PLXNA2: variants seen among roughly 807,000 people sequenced by gnomAD.
The protein encoded by PLXNA2 is plexin A2, also known as plexin-A2.
In PLXNA2, 91 loss-of-function variants were observed where a neutral mutation model predicts 193.5. The observed-to-expected ratio is 0.47, with a 90% CI of 0.40 to 0.56. The LOEUF is 0.56. Among genes scored for constraint, PLXNA2 ranks in the 20% least tolerant of loss-of-function variants. The probability of loss-of-function intolerance (pLI) is 0.00; values close to 1 mark genes in which losing one functional copy is unlikely to be tolerated. For missense variants in PLXNA2, 1,995 were observed against 2,503.2 expected, an observed-to-expected ratio of 0.80 and a Z score of 4.33; for synonymous variants, 997 against 1,027.3, an observed-to-expected ratio of 0.97 and a Z score of 0.56.
rs746462213 is a variant in PLXNA2, at chr1:208,103,247, C to A, written c.1507G>T (p.Val503Phe). The change falls in exon 5 of 32, where the codon GTC becomes TTC. Residue 503 changes from valine (V) to phenylalanine (F), a missense_variant and splice_region_variant. By Grantham distance (50) the Val-to-Phe change is conservative (BLOSUM62 -1). This residue lies in a region of PLXNA2 where 702 missense variants were observed against 812.9 expected (regional missense o/e 0.86). Coordinates refer to ENST00000367033, the MANE Select transcript of PLXNA2 (RefSeq NM_025179.4). ...CATGACTCCACGGGGACCCTGGTGA[C>A]CTGGCAGAGAGAGCAAAGAGGGTAC... ...RYLYVMSERQ[V>F]TRVPVESCEQ... 1 of 1,612,686 alleles carries A rather than the reference C, an allele frequency of 6.2e-7. No homozygotes were observed. The highest frequency in any genetic ancestry group is 1.1e-5 in the South Asian group (1 of 90,830).
chr1:208,078,688 C>T (rs1485060440), intron 12 of PLXNA2, among the ~76,000 whole-genome samples: 1 of 152,190 alleles, frequency 6.6e-6, no homozygotes, highest in Admixed American at 6.5e-5. Flanking sequence ...CATCATCTTC[C>T]TTTGGAATTT....
intron 8 of PLXNA2, among the ~76,000 whole-genome samples, chr1:208,095,791 T>C (rs1666864142): frequency 1.3e-5 from 2 of 152,028 alleles, no homozygotes; most frequent in Non-Finnish European, 1.5e-5. Flanking sequence ...GAGTTGGGGG[T>C]TAGGTGTGTT....
chr1:208,217,346 C>A lies in PLXNA2; in HGVS notation c.577G>T (p.Asp193Tyr). The change falls in exon 2 of 32, where the codon GAT becomes TAT. Residue 193 changes from aspartate to tyrosine, a missense_variant. This residue lies in a region of PLXNA2 where 702 missense variants were observed against 812.9 expected (regional missense o/e 0.86). Transcript: ENST00000367033. This position sits in a 1 kb window ranked among gnomAD's most constrained non-coding sequence, Gnocchi z 4.7. The stretch of plus-strand genomic sequence containing the variant: ...CGGCTGGACAGGGTCGGGAAGTAAT[C>A]CTGCTTCCCATCCACAGCCGTGCCG... ...FIGTAVDGKQ[D>Y]YFPTLSSRKL... 1 of 1,614,134 alleles carries A rather than the reference C, an allele frequency of 6.2e-7. No homozygotes were observed. Among genetic ancestry groups the A allele is most frequent in the South Asian group, 1.1e-5 (1 of 91,080 alleles).
rs574844006 is a variant in PLXNA2 at position 208,237,265 on chromosome 1, A to T, written c.-81+6378T>A. On this transcript the variant is annotated intron_variant, in intron 1 of 31. Transcript: ENST00000367033. ...CCCGAGGAGTGGACAGCCAAGGTGT[A>T]GGGATAAAATCCAAATCTTCCCTCT... Among the ~76,000 whole-genome samples the T allele has an allele frequency of 1.1e-3, 161 of 152,352 alleles. 1 individual carries two copies. Among genetic ancestry groups the T allele is most frequent in the Middle Eastern group, 3.4e-3 (1 of 294 alleles).
intron 8 of PLXNA2, among the ~76,000 whole-genome samples, chr1:208,094,727 G>A (rs1367069777): frequency 3.9e-5 from 6 of 152,168 alleles, no homozygotes; most frequent in Non-Finnish European, 8.8e-5. Context: ...TTCCCACCAG[G>A]CCATTTCTAT....
In PLXNA2 at chr1:208,029,025, C is replaced by A. The variant is rs752862705; in HGVS notation, c.5243G>T (p.Trp1748Leu). 132 of 1,614,034 alleles carry A rather than the reference C, an allele frequency of 8.2e-5. No individual in the cohort carries two copies. The highest frequency in any genetic ancestry group is 1.0e-4 in the Non-Finnish European group (118 of 1,180,038). The change falls in exon 30 of 32, where the codon TGG becomes TTG. Residue 1748 changes from tryptophan to leucine, a missense_variant. Coordinates refer to ENST00000367033, the MANE Select transcript of PLXNA2 (RefSeq NM_025179.4). ...WKSNCLPLRF[W>L]VNVIKNPQFV... is the part of the protein sequence containing the mutation. ...CTGGGGGTTCTTAATCACGTTCACC[C>A]AGAAGCGCAGAGGGAGGCTGTGGGG...
In PLXNA2 at chr1:208,023,331, T is replaced by G. The variant is rs1028786045; in HGVS notation, c.*3912A>C. 1 of 152,686 alleles carries G rather than the reference T, an allele frequency of 6.5e-6. No homozygotes were observed. Among genetic ancestry groups the G allele is most frequent in the African/African-American group, 2.4e-5 (1 of 41,432 alleles). The allele number at this position is 152,686 out of a possible 1,614,324, so 9.5% of individuals were successfully genotyped here. A position where few individuals can be genotyped will look rare whatever the true frequency, so the allele number is the denominator to read the frequency against. ...TCAGTATTTACCAGGAGCAGGTTAA[T>G]GGGGGCAGGCGTGGCAACCGGGATG... On this transcript the variant is annotated 3_prime_UTR_variant, in exon 32 of 32. Transcript: ENST00000367033.
Position 208,051,299 on chromosome 1 carries a change from C to T in PLXNA2, c.3118G>A (p.Asp1040Asn). Reference sequence around the variant, plus strand: ...GGCTCGATGCGCTGGACCCGAGGGTCATCTATGTACTCAAACTGCAGGTTG... The same window carrying T: ...GGCTCGATGCGCTGGACCCGAGGGTTATCTATGTACTCAAACTGCAGGTTG... ...DSNLQFEYID[D>N]PRVQRIEPEW... Residue 1040 changes from aspartate (D) to asparagine (N), a missense_variant, in exon 16 of 32, where the codon GAC becomes AAC. Asp to Asn is a conservative substitution (Grantham distance 23, BLOSUM62 1). Around this residue, in one of 3 missense-constraint regions of PLXNA2, gnomAD observed 1,291 missense variants for 1,673.6 expected, o/e 0.77. Coordinates refer to ENST00000367033, the MANE Select transcript of PLXNA2 (RefSeq NM_025179.4). 1.2e-6 allele frequency: 2 copies of T among 1,613,310 alleles called. No homozygotes were observed. The highest frequency in any genetic ancestry group is 8.5e-7 in the Non-Finnish European group (1 of 1,179,694).
intron 11 of PLXNA2, among the ~76,000 whole-genome samples, chr1:208,081,759 C>T (rs1666349048): frequency 1.3e-5 from 2 of 152,166 alleles, no homozygotes; most frequent in Admixed American, 6.5e-5. Context: ...CACGAGTCCT[C>T]ATCATATTGG....
chr1:208,044,794 C>T lies in PLXNA2; in HGVS notation c.3640-52G>A, dbSNP rs377369756. ...CATGGATGCACACAGGTGTAGAGCC[C>T]GGGCATGCCAGCAGATCCTTACAGT... is the stretch of plus-strand genomic sequence containing the variant. On this transcript the variant is annotated intron_variant, in intron 19 of 31. Transcript: ENST00000367033. This position sits in a 1 kb window ranked among gnomAD's most constrained non-coding sequence, Gnocchi z 4.9. 2.1e-5 allele frequency: 30 copies of T among 1,405,994 alleles called. No individual in the cohort carries two copies. In the African/African-American group the frequency reaches 2.3e-4, roughly 11 times the overall value. 87.1% of individuals were successfully genotyped at this position (1,405,994 alleles called of 1,614,324 possible). A position where few individuals can be genotyped will look rare whatever the true frequency, so the allele number is the denominator to read the frequency against.
chr1:208,086,948 A>ACTCTCTCTCTCTCTCTCTCTCTCT (rs59683728), intron 9 of PLXNA2, among the ~76,000 whole-genome samples: 3 of 134,690 alleles, frequency 2.2e-5, no homozygotes, highest in African/African-American at 5.5e-5. Flanking sequence ...TCTCTCTCGC[A>ACTCTCTCTCTCTCTCTCTCTCTCT]CTCTCTCTCT....
chr1:208,213,815 A>T (rs889098899), intron 2 of PLXNA2, among the ~76,000 whole-genome samples: 1 of 152,202 alleles, frequency 6.6e-6, no homozygotes, highest in Non-Finnish European at 1.5e-5. Context: ...GTGGTGCTGA[A>T]GGGGTGGAGG....
At chr1:208,212,108 G>A (rs1158984956) in intron 2 of PLXNA2, among the ~76,000 whole-genome samples, 2 of 152,172 alleles carry the variant, frequency 1.3e-5, no homozygotes. Context: ...AGAGGAGGAA[G>A]GAAATGGCTA....
chr1:208,096,682 G>A (rs1433252956), intron 7 of PLXNA2, 48 bp downstream of exon 7: 1 of 1,606,238 alleles, frequency 6.2e-7, no homozygotes, highest in Non-Finnish European at 8.5e-7. Flanking sequence ...AGCTCCCTCA[G>A]TATAGAGAAG....
intron 1 of PLXNA2, among the ~76,000 whole-genome samples, chr1:208,223,372 T>A (rs776249747): frequency 6.6e-6 from 1 of 152,142 alleles, no homozygotes; most frequent in African/African-American, 2.4e-5. Context: ...TCCTCCATTG[T>A]AGGTGGAAGG....
intron 3 of PLXNA2, among the ~76,000 whole-genome samples, chr1:208,199,738 C>T (rs1670479976): frequency 2.6e-5 from 4 of 151,824 alleles, no homozygotes; most frequent in Admixed American, 2.0e-4. Flanking sequence ...TAGGGAAGGG[C>T]CCCAAAATTG....
At chr1:208,103,479 G>A (rs1037181499) in intron 4 of PLXNA2, among the ~76,000 whole-genome samples, 1 of 152,176 alleles carries the variant, frequency 6.6e-6, no homozygotes, top group Non-Finnish European at 1.5e-5. Context: ...CTTCGCGAGA[G>A]GTAGCAGCAA....
rs188723847 is a variant in PLXNA2, at chr1:208,126,935, A to G, written c.1506+15394T>C. Among the ~76,000 whole-genome samples the G allele has an allele frequency of 2.7e-3, 418 of 152,312 alleles. 1 individual carries two copies. The highest frequency in any genetic ancestry group is 4.5e-3 in the Non-Finnish European group (308 of 68,022). ...GGCCCAGGGACAGGTGACCTTTCCA[A>G]TTCAGCACCTTTATAAAACTTACCT... On this transcript the variant is annotated intron_variant, in intron 4 of 31. Coordinates refer to ENST00000367033, the MANE Select transcript of PLXNA2 (RefSeq NM_025179.4).
Position 208,210,351 on chromosome 1 carries a change from AG to A in PLXNA2, c.1299del (p.Ser434LeufsTer22). The A allele has an allele frequency of 2.5e-6, 4 of 1,614,038 alleles. No individual in the cohort carries two copies. The highest frequency in any genetic ancestry group is 3.4e-6 in the Non-Finnish European group (4 of 1,180,014). On this transcript the variant is annotated frameshift_variant, in exon 3 of 32. Coordinates refer to ENST00000367033, the MANE Select transcript of PLXNA2 (RefSeq NM_025179.4). LOFTEE classifies it high-confidence loss of function. Reference sequence around the variant, plus strand: ...CCGTTGTAAACGTAGGAGGCCACAGAGGTCATGCGGTCCCTGCTGGTGGTGT... The same window carrying A: ...CCGTTGTAAACGTAGGAGGCCACAGAGTCATGCGGTCCCTGCTGGTGGTGT... ...TLYTTSRDRM[T>X]SVASYVYNGY...
Sources: allele counts gnomAD v4.1 joint callset (sites outside exome capture counted in the v4.1 genomes callset), GRCh38; gene constraint gnomAD v4.1.1; regional missense constraint gnomAD v4.1.1; non-coding constraint Gnocchi (gnomAD v3.1); transcripts MANE v1.5; gene names NCBI Gene and HGNC (gene_info 2026-07-23, HGNC 2026-07-21).